MTUS2: variants seen among roughly 807,000 people sequenced by gnomAD.
MTUS2 encodes microtubule associated scaffold protein 2, also known as microtubule-associated tumor suppressor candidate 2.
Under a neutral mutation model 114.1 loss-of-function variants are expected in MTUS2, and 40 were observed. That is an observed-to-expected ratio of 0.35 (90% CI 0.27 to 0.46). The LOEUF is 0.46. Among genes scored for constraint, MTUS2 ranks in the 20% least tolerant of loss-of-function variants. The pLI is 1.00. For synonymous variants in MTUS2, 688 were observed against 672.0 expected, an observed-to-expected ratio of 1.02 and a Z score of -0.37; for missense variants, 1,679 against 1,705.4, an observed-to-expected ratio of 0.98 and a Z score of 0.27.
At chr13:28,910,183 A>C (rs573093851) in intron 2 of MTUS2, among the ~76,000 whole-genome samples, 2 of 151,954 alleles carry the variant, frequency 1.3e-5, no homozygotes, top group African/African-American at 2.4e-5. Context: ...CCCACCCGTT[A>C]CCCTTCCCAG....
intron 8 of MTUS2, among the ~76,000 whole-genome samples, chr13:29,407,910 C>CA (rs1874903346): frequency 6.6e-6 from 1 of 152,116 alleles, no homozygotes. Flanking sequence ...CATATTGTGG[C>CA]TTTTATTTGC....
At chr13:28,861,598 A>G (rs570820769) in intron 2 of MTUS2, among the ~76,000 whole-genome samples, 4 of 152,226 alleles carry the variant, frequency 2.6e-5, no homozygotes, top group East Asian at 3.9e-4. Flanking sequence ...TAAGGCCACA[A>G]TGTAATCTTT....
intron 2 of MTUS2, among the ~76,000 whole-genome samples, chr13:28,916,438 A>G (rs2138034674): frequency 2.0e-5 from 3 of 152,042 alleles, no homozygotes; most frequent in Middle Eastern, 6.8e-3. Flanking sequence ...AACATGGAAT[A>G]TCTTTCCATT....
chr13:29,422,608 G>A (rs1156758914), intron 8 of MTUS2, among the ~76,000 whole-genome samples: 1 of 143,072 alleles, frequency 7.0e-6, no homozygotes. Context: ...GAGCCAAAAT[G>A]TCCCAAATTT....
intron 5 of MTUS2, among the ~76,000 whole-genome samples, chr13:29,158,358 C>CCCCCCCCTTTTCTTT: frequency 3.1e-5 from 1 of 32,048 alleles, no homozygotes; most frequent in African/African-American, 2.1e-4. Flanking sequence ...GTCCACCCCG[C>CCCCCCCCTTTTCTTT]TTTTTTTTTT....
chr13:29,425,117 A>G (rs369944964), intron 8 of MTUS2, among the ~76,000 whole-genome samples: 13 of 152,344 alleles, frequency 8.5e-5, no homozygotes, highest in African/African-American at 3.1e-4. Context: ...ACTTTAACAT[A>G]GAAATATTTT....
chr13:29,498,739 C>T (rs1230425942), intron 14 of MTUS2, among the ~76,000 whole-genome samples: 2 of 152,204 alleles, frequency 1.3e-5, no homozygotes, highest in Non-Finnish European at 2.9e-5. Flanking sequence ...CCTTGTCCAA[C>T]TCTGGAGCCT....
At chr13:29,324,273 C>G (rs1900383909) in intron 6 of MTUS2, among the ~76,000 whole-genome samples, 1 of 152,188 alleles carries the variant, frequency 6.6e-6, no homozygotes, top group African/African-American at 2.4e-5. Context: ...GGCAGGCAGA[C>G]TAAATTGGTG....
chr13:28,957,915 G>C (rs1378840527), intron 2 of MTUS2, among the ~76,000 whole-genome samples: 1 of 152,178 alleles, frequency 6.6e-6, no homozygotes, highest in Non-Finnish European at 1.5e-5. Context: ...TCTATGTTTT[G>C]TGATAGGCAT....
chr13:29,421,728 T>G (rs1245142145), intron 8 of MTUS2, among the ~76,000 whole-genome samples: 1 of 152,124 alleles, frequency 6.6e-6, no homozygotes, highest in Non-Finnish European at 1.5e-5. Context: ...CAAGAGCATA[T>G]GGAATGCATG....
chr13:29,025,934 C>G lies in MTUS2; in HGVS notation c.1236C>G (p.Gly412=), dbSNP rs187816760. The change falls in exon 3 of 16, where the codon GGC becomes GGG. Residue 412 remains glycine, a synonymous_variant. Coordinates refer to ENST00000612955, the MANE Select transcript of MTUS2 (RefSeq NM_001033602.4). ...SLGGADNQPT[G]KISPCAGEKL... ...GAGGGGCTGATAATCAGCCCACTGG[C>G]AAAATTTCACCATGTGCAGGTGAGA... is the stretch of plus-strand genomic sequence containing the variant. The G allele has an allele frequency of 5.5e-5, 89 of 1,613,900 alleles. No homozygotes were observed. Among genetic ancestry groups the G allele is most frequent in the East Asian group, 2.2e-4 (10 of 44,874 alleles).
intron 2 of MTUS2, among the ~76,000 whole-genome samples, chr13:28,972,757 A>G (rs987743151): frequency 1.2e-4 from 18 of 152,128 alleles, no homozygotes; most frequent in Admixed American, 3.3e-4. Flanking sequence ...TTACTTAACA[A>G]TTTTTGTTTT....
intron 5 of MTUS2, among the ~76,000 whole-genome samples, chr13:29,102,672 A>C (rs1890470666): frequency 6.6e-6 from 1 of 152,232 alleles, no homozygotes; most frequent in African/African-American, 2.4e-5. Context: ...ATTATCTGCT[A>C]CCTACTATAT....
chr13:29,307,888 CAG>C (rs1437642481), intron 6 of MTUS2: 5 of 558,648 alleles, frequency 9.0e-6, no homozygotes, highest in Non-Finnish European at 1.6e-5. Flanking sequence ...CCCCCCTCCT[CAG>C]AGTTTCCATG....
rs367817315 is a variant in MTUS2, at chr13:29,503,152, C to A, written c.4056C>A (p.Arg1352=). 28 of 1,614,236 alleles carry A rather than the reference C, an allele frequency of 1.7e-5. 1 individual carries two copies. In the Middle Eastern group the frequency reaches 8.3e-4, roughly 48 times the overall value. ...TCTCGCCCACATCTCCCGTTTACCG[C>A]GGCTCCTCCTCGGGGCCCTCCTCTC... ...IKLSPTSPVY[R]GSSSGPSSPA... The change falls in exon 16 of 16, where the codon CGC becomes CGA. Residue 1352 remains arginine (R), a synonymous_variant. Transcript: ENST00000612955.
chr13:29,478,519 A>G (rs1368888608), intron 9 of MTUS2, among the ~76,000 whole-genome samples: 2 of 152,270 alleles, frequency 1.3e-5, no homozygotes, highest in Admixed American at 6.5e-5. Context: ...AAGTCACTGT[A>G]GCAATTGTTC....
At chr13:29,166,985 G>T (rs1471280550) in intron 5 of MTUS2, among the ~76,000 whole-genome samples, 1 of 152,158 alleles carries the variant, frequency 6.6e-6, no homozygotes, top group Admixed American at 6.5e-5. Context: ...TATCTACCAA[G>T]CCATGTGTTT....
chr13:29,420,931 T>TTATC (rs986952600), intron 8 of MTUS2, among the ~76,000 whole-genome samples: 2 of 152,190 alleles, frequency 1.3e-5, no homozygotes, highest in African/African-American at 2.4e-5. Flanking sequence ...GAAAAAAAGA[T>TTATC]TATCTTACAT....
At chr13:29,302,817 TTGGG>T (rs1444876310) in intron 6 of MTUS2, among the ~76,000 whole-genome samples, 1 of 152,222 alleles carries the variant, frequency 6.6e-6, no homozygotes, top group Non-Finnish European at 1.5e-5. Context: ...AACTGCTTCT[TTGGG>T]TGGATCCCTG....
Sources: allele counts gnomAD v4.1 joint callset (sites outside exome capture counted in the v4.1 genomes callset), GRCh38; gene constraint gnomAD v4.1.1; transcripts MANE v1.5; gene names NCBI Gene and HGNC (gene_info 2026-07-23, HGNC 2026-07-21).